SPOCK3: variants seen among roughly 807,000 people sequenced by gnomAD.
SPOCK3 encodes testican-3.
SPOCK3 carries 30 observed loss-of-function variants against 56.6 expected under a neutral mutation model. The ratio of observed to expected loss-of-function variants is 0.53; its 90% CI spans 0.40 to 0.72. The LOEUF (loss-of-function observed/expected upper bound fraction) is 0.72, where lower values mean the gene tolerates loss of function less well. Ranked by LOEUF, SPOCK3 falls within the 30% of genes least tolerant of loss-of-function variation. The pLI, the probability that SPOCK3 is intolerant of heterozygous loss-of-function variation, is 0.00. For synonymous variants in SPOCK3, 196 were observed against 183.3 expected (o/e 1.07, Z -0.56); for missense variants, 527 against 530.0 (o/e 0.99, Z 0.06).
intron 6 of SPOCK3, among the ~76,000 whole-genome samples, chr4:166,851,392 A>T (rs1730062992): frequency 6.6e-6 from 1 of 152,138 alleles, no homozygotes. Flanking sequence ...AAAACTGGAA[A>T]CTCTAAAAAG....
At chr4:167,205,237 ACATAT>A (rs1561320744) in intron 2 of SPOCK3, among the ~76,000 whole-genome samples, 2 of 88,952 alleles carry the variant, frequency 2.2e-5, no homozygotes, top group Non-Finnish European at 4.1e-5. Context: ...TATCTATAAT[ACATAT>A]TATATATTAT....
chr4:166,831,986 C>T (rs1207799442), intron 6 of SPOCK3, among the ~76,000 whole-genome samples: 1 of 151,850 alleles, frequency 6.6e-6, no homozygotes, highest in Admixed American at 6.6e-5. Flanking sequence ...GAGTACTAGA[C>T]CTTTGTCAGA....
At chr4:167,115,483 A>G (rs2150354132) in intron 2 of SPOCK3, among the ~76,000 whole-genome samples, 1 of 152,274 alleles carries the variant, frequency 6.6e-6, no homozygotes, top group South Asian at 2.1e-4. Flanking sequence ...TATAATTATA[A>G]TTAAAGAAAG....
chr4:166,784,910 T>C (rs1740575904), intron 7 of SPOCK3, among the ~76,000 whole-genome samples: 1 of 152,118 alleles, frequency 6.6e-6, no homozygotes, highest in African/African-American at 2.4e-5. Flanking sequence ...GCTCTCCAAA[T>C]TGTTAAAGGG....
intron 2 of SPOCK3, among the ~76,000 whole-genome samples, chr4:167,108,118 C>A (rs1451523901): frequency 6.6e-6 from 1 of 151,858 alleles, no homozygotes; most frequent in Non-Finnish European, 1.5e-5. Context: ...CATCTCACCC[C>A]AGTTAAAATG....
chr4:166,980,526 T>C (rs1252195023), intron 4 of SPOCK3, among the ~76,000 whole-genome samples: 1 of 152,204 alleles, frequency 6.6e-6, no homozygotes, highest in African/African-American at 2.4e-5. Flanking sequence ...CCTGGCAGGC[T>C]GTGCTTGGCT....
chr4:167,145,324 G>A (rs995802910), intron 2 of SPOCK3, among the ~76,000 whole-genome samples: 5 of 152,058 alleles, frequency 3.3e-5, no homozygotes, highest in Non-Finnish European at 7.4e-5. Flanking sequence ...GAAACCTATT[G>A]CATAATCAAG....
intron 6 of SPOCK3, among the ~76,000 whole-genome samples, chr4:166,855,825 T>G (rs1427873056): frequency 6.6e-6 from 1 of 152,150 alleles, no homozygotes; most frequent in Non-Finnish European, 1.5e-5. Context: ...TTCTACCAAG[T>G]TTCTAACACT....
At chr4:166,811,956 A>C (rs982222300) in intron 6 of SPOCK3, among the ~76,000 whole-genome samples, 1 of 151,858 alleles carries the variant, frequency 6.6e-6, no homozygotes, top group Non-Finnish European at 1.5e-5. Context: ...CAAATTGTAC[A>C]AAGATAGTAA....
In SPOCK3 at chr4:166,912,671, C is replaced by A; in HGVS notation, c.423G>T (p.Val141=). 6.2e-7 allele frequency: 1 copy of A among 1,613,514 alleles called. No individual in the cohort carries two copies. The highest frequency in any genetic ancestry group is 8.5e-7 in the Non-Finnish European group (1 of 1,179,760). Residue 141 remains valine (V), a synonymous_variant, in exon 5 of 11, where the codon GTG becomes GTT. Transcript: ENST00000357545. ...PILSTCKQCP[V]VYPSPVCGSD... is the part of the protein sequence containing the mutation. The stretch of plus-strand genomic sequence containing the variant: ...AACCACAAACAGGGCTGGGATAGAC[C>A]ACTGGGCACTGCTTGCAGGTGGATA...
intron 2 of SPOCK3, among the ~76,000 whole-genome samples, chr4:167,170,745 A>G (rs2150465444): frequency 6.6e-6 from 1 of 152,306 alleles, no homozygotes; most frequent in Non-Finnish European, 1.5e-5. Context: ...AAGAAAATAA[A>G]CAATTGTTGA....
At chr4:167,026,400 T>C (rs1352969458) in intron 3 of SPOCK3, among the ~76,000 whole-genome samples, 2 of 152,022 alleles carry the variant, frequency 1.3e-5, no homozygotes, top group South Asian at 2.1e-4. Flanking sequence ...TGAAAGAAAG[T>C]ATTAAGGATA....
Position 166,971,349 on chromosome 4 carries a change from A to G in SPOCK3, c.350+29000T>C, listed in dbSNP as rs577818142. ...AGAGAACAGAGGTGCTTTTTTTAAA[A>G]GTGCTTGACTCTTTTAGAAGGCAAA... On this transcript the variant is annotated intron_variant, in intron 4 of 10. Coordinates refer to ENST00000357545, the MANE Select transcript of SPOCK3 (RefSeq NM_001040159.2). 2.6e-5 allele frequency among the ~76,000 whole-genome samples: 4 copies of G among 152,254 alleles called. No individual in the cohort carries two copies. In the East Asian group the frequency reaches 5.8e-4, roughly 22 times the overall value.
intron 8 of SPOCK3, among the ~76,000 whole-genome samples, chr4:166,745,702 TAA>T (rs752572947): frequency 1.2e-4 from 18 of 152,138 alleles, no homozygotes; most frequent in African/African-American, 2.2e-4. Context: ...GCAAGTTGGA[TAA>T]AGAGTCAAGA....
intron 2 of SPOCK3, among the ~76,000 whole-genome samples, chr4:167,161,941 A>C (rs963471413): frequency 6.6e-6 from 1 of 151,610 alleles, no homozygotes; most frequent in Non-Finnish European, 1.5e-5. Flanking sequence ...CGTAATGTTA[A>C]ATGACGAGTT....
rs1185713897 is a variant in SPOCK3 at position 167,234,040 on chromosome 4, A to G, written c.134T>C (p.Leu45Pro). Residue 45 changes from leucine (L) to proline (P), a missense_variant, in exon 2 of 11, where the codon CTC (leucine) becomes CCC (proline). Leu to Pro is a moderately conservative substitution (Grantham distance 98). Coordinates refer to ENST00000357545, the MANE Select transcript of SPOCK3 (RefSeq NM_001040159.2). ...CTTGTCATACTGAGAGATTGTGGTG[A>G]GCCATTGTTTATCATCCAGAAAATT... ...GGNFLDDKQW[L>P]TTISQYDKEV... is the part of the protein sequence containing the mutation. The G allele has an allele frequency of 2.5e-6, 4 of 1,613,966 alleles. No homozygotes were observed. The highest frequency in any genetic ancestry group is 3.4e-6 in the Non-Finnish European group (4 of 1,179,962).
chr4:166,806,738 C>A lies in SPOCK3; in HGVS notation c.590-14449G>T, dbSNP rs144000782. ...ATGCATTGTCTTAAAGTATACATCC[C>A]TATAATTATGGTTCAAATATTTACA... On this transcript the variant is annotated intron_variant, in intron 6 of 10. Coordinates refer to ENST00000357545, the MANE Select transcript of SPOCK3 (RefSeq NM_001040159.2). 8.0e-3 allele frequency among the ~76,000 whole-genome samples: 1,212 copies of A among 151,932 alleles called. 8 individuals carry two copies. Among genetic ancestry groups the A allele is most frequent in the Middle Eastern group, 0.017 (5 of 294 alleles).
At chr4:167,050,523 T>C (rs892281223) in intron 3 of SPOCK3, among the ~76,000 whole-genome samples, 2 of 152,164 alleles carry the variant, frequency 1.3e-5, no homozygotes, top group African/African-American at 2.4e-5. Context: ...GATTACCATA[T>C]GATCCAGCAA....
intron 6 of SPOCK3, among the ~76,000 whole-genome samples, chr4:166,844,687 G>A (rs1172989083): frequency 2.0e-5 from 3 of 151,922 alleles, no homozygotes; most frequent in Non-Finnish European, 2.9e-5. Context: ...GATAGATGTA[G>A]ATATAGATAT....
Sources: allele counts gnomAD v4.1 joint callset (sites outside exome capture counted in the v4.1 genomes callset), GRCh38; gene constraint gnomAD v4.1.1; transcripts MANE v1.5; gene names NCBI Gene and HGNC (gene_info 2026-07-23, HGNC 2026-07-21).